The following ARID4B variants were observed in gnomAD, a reference collection of about 807,000 sequenced individuals.
ARID4B encodes AT-rich interactive domain-containing protein 4B.
In ARID4B, 26 loss-of-function variants were observed where a neutral mutation model predicts 147.5. That is an observed-to-expected ratio of 0.18 (90% CI 0.13 to 0.24). The LOEUF (loss-of-function observed/expected upper bound fraction) is 0.24. ARID4B is among the 10% of genes least tolerant of loss of function. The probability of loss-of-function intolerance (pLI) is 1.00; values close to 1 mark genes in which losing one functional copy is unlikely to be tolerated. For synonymous variants in ARID4B, 512 were observed against 507.9 expected, an observed-to-expected ratio of 1.01 and a Z score of -0.11; for missense variants, 1,179 against 1,511.5, an observed-to-expected ratio of 0.78 and a Z score of 3.65.
chr1:235,238,409 A>G (rs1210585156), intron 8 of ARID4B, among the ~76,000 whole-genome samples: 1 of 152,242 alleles, frequency 6.6e-6, no homozygotes, highest in Non-Finnish European at 1.5e-5. Flanking sequence ...TACAAAACAG[A>G]GACAGAGAAT....
At chr1:235,319,631 A>T (rs1019762949) in intron 2 of ARID4B, among the ~76,000 whole-genome samples, 1 of 152,226 alleles carries the variant, frequency 6.6e-6, no homozygotes, top group African/African-American at 2.4e-5. Flanking sequence ...GAGAAGGCTA[A>T]GATTTGACAA....
At chr1:235,204,796 A>G (rs978729855) in intron 17 of ARID4B, among the ~76,000 whole-genome samples, 9 of 152,244 alleles carry the variant, frequency 5.9e-5, no homozygotes, top group African/African-American at 1.9e-4. Flanking sequence ...AAAAATATCA[A>G]TGTACCTGCC....
At chr1:235,216,980 G>A (rs941153027) in intron 16 of ARID4B, among the ~76,000 whole-genome samples, 1 of 152,002 alleles carries the variant, frequency 6.6e-6, no homozygotes, top group Non-Finnish European at 1.5e-5. Flanking sequence ...ACTCCAAGCT[G>A]TATCTTACAT....
chr1:235,297,737 G>A (rs771316090), intron 2 of ARID4B, among the ~76,000 whole-genome samples: 2 of 152,038 alleles, frequency 1.3e-5, no homozygotes, highest in African/African-American at 4.8e-5. Flanking sequence ...CCTCTAGAAC[G>A]AATGTTCAGT....
intron 2 of ARID4B, among the ~76,000 whole-genome samples, chr1:235,290,632 A>C (rs188603573): frequency 6.6e-6 from 1 of 152,348 alleles, no homozygotes; most frequent in Non-Finnish European, 1.5e-5. Flanking sequence ...TTACATCGTA[A>C]ATCTTATACA....
At position 235,234,510 on chromosome 1, in the gene ARID4B, GA is replaced by G. The variant is rs780428220; in HGVS notation, c.586-19del. The stretch of plus-strand genomic sequence containing the variant: ...CAAACCACCTTTTAAGAAAAAGGGT[GA>G]AGCTATTATAACTAAAAGAACTCAT... On this transcript the variant is annotated intron_variant, in intron 8 of 23. Coordinates refer to ENST00000264183, the MANE Select transcript of ARID4B (RefSeq NM_016374.6). 33 of 1,550,800 alleles carry G rather than the reference GA, an allele frequency of 2.1e-5. No homozygotes were observed. The African/African-American group carries it at 3.8e-4, about 18-fold the overall frequency.
chr1:235,277,154 G>A (rs923256688), intron 2 of ARID4B, among the ~76,000 whole-genome samples: 3 of 152,154 alleles, frequency 2.0e-5, no homozygotes, highest in East Asian at 1.9e-4. Context: ...GCTGAGGTGA[G>A]AAGATCACTT....
chr1:235,185,904 C>T lies in ARID4B; in HGVS notation c.2126-3111G>A, dbSNP rs144442296. ...TACGGTATGACTCTATTAATTTATT[C>T]GGTACCTAGTGAGCAATTTCAATGT... is the stretch of plus-strand genomic sequence containing the variant. On this transcript the variant is annotated intron_variant, in intron 19 of 23. Transcript: ENST00000264183. 5.8e-3 allele frequency among the ~76,000 whole-genome samples: 876 copies of T among 150,954 alleles called. 13 individuals carry two copies. The highest frequency in any genetic ancestry group is 0.02 in the African/African-American group (829 of 41,202).
intron 5 of ARID4B, among the ~76,000 whole-genome samples, chr1:235,254,705 T>C (rs867925780): frequency 6.6e-6 from 1 of 151,296 alleles, no homozygotes; most frequent in Non-Finnish European, 1.5e-5. Flanking sequence ...AGAACACATA[T>C]ACCAAAACTA....
rs189373704 is a variant in ARID4B, at chr1:235,311,191, T to C, written c.6+15723A>G. ...AGGCAACATAGTGAGACCCCATCTCTAGAAAATATAAAAAATCAACCTATG... is the reference window on the plus strand; with the variant it reads ...AGGCAACATAGTGAGACCCCATCTCCAGAAAATATAAAAAATCAACCTATG... On this transcript the variant is annotated intron_variant, in intron 2 of 23. Coordinates refer to ENST00000264183, the MANE Select transcript of ARID4B (RefSeq NM_016374.6). Among the ~76,000 whole-genome samples, 359 of 151,854 alleles carry C rather than the reference T, an allele frequency of 2.4e-3. 2 individuals are homozygous for C. Among genetic ancestry groups the C allele is most frequent in the Middle Eastern group, 6.8e-3 (2 of 294 alleles).
intron 17 of ARID4B, among the ~76,000 whole-genome samples, chr1:235,205,986 T>C (rs1000225177): frequency 2.6e-5 from 4 of 152,118 alleles, no homozygotes; most frequent in Admixed American, 2.6e-4. Context: ...TATATATAAA[T>C]GAGGTGAGAA....
intron 2 of ARID4B, among the ~76,000 whole-genome samples, chr1:235,308,083 ATTTTTTTT>A (rs368457519): frequency 1.2e-4 from 12 of 102,772 alleles, no homozygotes; most frequent in African/African-American, 4.4e-4. Flanking sequence ...ATTTCTTCTA[ATTTTTTTT>A]TTTTTTTTTT....
In ARID4B at chr1:235,182,040, G is replaced by T; in HGVS notation, c.2879C>A (p.Pro960Gln). Residue 960 changes from proline to glutamine, a missense_variant, in exon 20 of 24, where the codon CCA becomes CAA. This residue lies in a region of ARID4B where 357 missense variants were observed against 427.3 expected (regional missense o/e 0.84). Coordinates refer to ENST00000264183, the MANE Select transcript of ARID4B (RefSeq NM_016374.6). The part of the protein sequence containing the change: ...EAAASPPHPA[P>Q]EEGVAEESLQ... ...TGACTCCTCTGCCACCCCCTCCTCTGGGGCAGGATGCGGTGGGGAAGCTGC... is the reference window on the plus strand; with the variant it reads ...TGACTCCTCTGCCACCCCCTCCTCTTGGGCAGGATGCGGTGGGGAAGCTGC... The T allele has an allele frequency of 6.2e-7, 1 of 1,614,078 alleles. No individual in the cohort carries two copies. The highest frequency in any genetic ancestry group is 8.5e-7 in the Non-Finnish European group (1 of 1,180,018).
intron 17 of ARID4B, among the ~76,000 whole-genome samples, chr1:235,209,710 C>G (rs1571982576): frequency 6.6e-6 from 1 of 151,514 alleles, no homozygotes; most frequent in Non-Finnish European, 1.5e-5. Flanking sequence ...ATTACAGGCA[C>G]CTGCCACCAT....
At chr1:235,229,985 G>C (rs1668098245) in intron 10 of ARID4B, among the ~76,000 whole-genome samples, 1 of 152,134 alleles carries the variant, frequency 6.6e-6, no homozygotes, top group African/African-American at 2.4e-5. Flanking sequence ...CAAGGAATAA[G>C]GGCAAAGAGA....
chr1:235,172,506 A>C (rs1571886646), intron 23 of ARID4B, 112 bp downstream of exon 23: 2 of 642,900 alleles, frequency 3.1e-6, no homozygotes, highest in East Asian at 6.5e-5. Context: ...TGAACCCAGG[A>C]GGTGGAGGTT....
intron 19 of ARID4B, among the ~76,000 whole-genome samples, chr1:235,189,098 A>G (rs1297934185): frequency 2.0e-5 from 3 of 152,220 alleles, no homozygotes; most frequent in Non-Finnish European, 2.9e-5. Flanking sequence ...AACTAGTTTA[A>G]TTTAAAAATA....
intron 2 of ARID4B, among the ~76,000 whole-genome samples, chr1:235,265,917 C>A (rs1278072812): frequency 1.3e-5 from 2 of 151,970 alleles, no homozygotes; most frequent in African/African-American, 4.8e-5. Flanking sequence ...ATTATTTTTA[C>A]TTTACAACCT....
chr1:235,306,429 G>A (rs1673565307), intron 2 of ARID4B, among the ~76,000 whole-genome samples: 2 of 150,976 alleles, frequency 1.3e-5, no homozygotes, highest in African/African-American at 2.4e-5. Flanking sequence ...CTTGAACATG[G>A]AAGGCAGAGG....
Sources: allele counts gnomAD v4.1 joint callset (sites outside exome capture counted in the v4.1 genomes callset), GRCh38; gene constraint gnomAD v4.1.1; regional missense constraint gnomAD v4.1.1; transcripts MANE v1.5; gene names NCBI Gene and HGNC (gene_info 2026-07-23, HGNC 2026-07-21).